Variants in CHN2 observed in about 807,000 individuals in gnomAD.
CHN2 encodes the protein chimerin 2.
In CHN2, 35 loss-of-function variants were observed where a neutral mutation model predicts 56.3. The observed-to-expected ratio is 0.62, with a 90% confidence interval of 0.47 to 0.82. The LOEUF (loss-of-function observed/expected upper bound fraction) is 0.82, where lower values mean the gene tolerates loss of function less well. Among genes scored for constraint, CHN2 ranks in the 40% least tolerant of loss-of-function variants. CHN2 has a pLI of 0.00. For missense variants in CHN2, 491 were observed against 580.5 expected (o/e 0.85, Z 1.58); for synonymous variants, 210 against 212.8 (o/e 0.99, Z 0.12).
chr7:29,175,393 CT>C (rs777133527), intron 2 of CHN2, among the ~76,000 whole-genome samples: 161 of 152,166 alleles, frequency 1.1e-3, no homozygotes, highest in Non-Finnish European at 1.9e-3. Flanking sequence ...CAAGGCTGGT[CT>C]CAAACTCCAG....
intron 6 of CHN2, among the ~76,000 whole-genome samples, chr7:29,476,074 G>A (rs1457565201): frequency 6.6e-6 from 1 of 152,160 alleles, no homozygotes; most frequent in East Asian, 1.9e-4. Flanking sequence ...GTTCTTCAGG[G>A]CTTTGAGGAA....
At chr7:29,293,650 G>A (rs1166997784) in intron 1 of CHN2, among the ~76,000 whole-genome samples, 1 of 152,070 alleles carries the variant, frequency 6.6e-6, no homozygotes, top group East Asian at 1.9e-4. Flanking sequence ...TGTGCCTCCT[G>A]CTTCGAATGT....
chr7:29,411,299 A>C (rs965827645), intron 6 of CHN2, among the ~76,000 whole-genome samples: 10 of 152,166 alleles, frequency 6.6e-5, no homozygotes, highest in African/African-American at 2.4e-4. Flanking sequence ...GAGGAAACAC[A>C]ATTTTAGCAG....
intron 2 of CHN2, chr7:29,186,508 G>A (rs938464001): frequency 6.6e-6 from 1 of 152,008 alleles, no homozygotes; most frequent in Non-Finnish European, 1.5e-5. Flanking sequence ...GGAGGTAGAG[G>A]CTGTAGCAGT....
chr7:29,303,109 G>C (rs960390776), intron 1 of CHN2, among the ~76,000 whole-genome samples: 1 of 152,166 alleles, frequency 6.6e-6, no homozygotes, highest in African/African-American at 2.4e-5. Context: ...GCCATTGTGC[G>C]TTGATGCTGG....
chr7:29,229,796 G>A (rs367823521), intron 1 of CHN2, among the ~76,000 whole-genome samples: 23 of 152,042 alleles, frequency 1.5e-4, no homozygotes, highest in African/African-American at 4.8e-4. Context: ...TGGGCAACAT[G>A]GGGAGACCCC....
chr7:29,306,265 G>C (rs561457412), intron 1 of CHN2, among the ~76,000 whole-genome samples: 22 of 152,278 alleles, frequency 1.4e-4, no homozygotes, highest in Admixed American at 1.2e-3. Context: ...TGCCTTATCA[G>C]TTTCCTGGGA....
chr7:29,178,110 G>A (rs1797596169), intron 2 of CHN2, among the ~76,000 whole-genome samples: 2 of 152,090 alleles, frequency 1.3e-5, no homozygotes, highest in South Asian at 4.1e-4. Context: ...ATGGTGTCTT[G>A]CCATCTCCAC....
chr7:29,507,893 G>A (rs1790778494), intron 11 of CHN2, among the ~76,000 whole-genome samples: 1 of 152,112 alleles, frequency 6.6e-6, no homozygotes. Flanking sequence ...GCTGTCCTGG[G>A]CATGTGCGGC....
chr7:29,262,073 C>A (rs1789598518), intron 1 of CHN2, among the ~76,000 whole-genome samples: 1 of 152,156 alleles, frequency 6.6e-6, no homozygotes, highest in Admixed American at 6.5e-5. Context: ...GAGGCTGAGG[C>A]AGGAGAATCG....
chr7:29,245,728 C>T (rs866897697), intron 1 of CHN2, among the ~76,000 whole-genome samples: 1 of 152,176 alleles, frequency 6.6e-6, no homozygotes. Flanking sequence ...GACATTGCCT[C>T]CCTGGTGGGG....
intron 1 of CHN2, among the ~76,000 whole-genome samples, chr7:29,256,909 T>C (rs1393060897): frequency 3.9e-5 from 6 of 152,178 alleles, no homozygotes; most frequent in South Asian, 2.1e-4. Context: ...CCTTTTGTCA[T>C]TGGGGGAAAC....
At chr7:29,456,066 C>T (rs1434465898) in intron 6 of CHN2, among the ~76,000 whole-genome samples, 2 of 152,150 alleles carry the variant, frequency 1.3e-5, no homozygotes, top group African/African-American at 4.8e-5. Flanking sequence ...TGTTTGGGGG[C>T]CAAGCCAGAC....
At chr7:29,202,118 G>A (rs922781110) in intron 1 of CHN2, among the ~76,000 whole-genome samples, 20 of 152,146 alleles carry the variant, frequency 1.3e-4, no homozygotes, top group Admixed American at 1.0e-3. Flanking sequence ...AGGAAAAAGT[G>A]CCCATGTTCA....
At chr7:29,452,687 G>A (rs766874028) in intron 6 of CHN2, among the ~76,000 whole-genome samples, 5 of 152,180 alleles carry the variant, frequency 3.3e-5, no homozygotes, top group Non-Finnish European at 7.4e-5. Context: ...TGCAAGACTC[G>A]CCATGGTTGG....
chr7:29,220,432 AAAG>A (rs1785704878), intron 1 of CHN2, among the ~76,000 whole-genome samples: 1 of 152,120 alleles, frequency 6.6e-6, no homozygotes. Context: ...ATCAAGGAAA[AAAG>A]AAGAGAAAAT....
At position 29,180,484 on chromosome 7, in the gene CHN2, G is replaced by A. The variant is rs529011732; in HGVS notation, c.274+33524G>A. 2.6e-4 allele frequency among the ~76,000 whole-genome samples: 40 copies of A among 151,794 alleles called. No homozygotes were observed. The East Asian group carries it at 6.6e-3, about 25-fold the overall frequency. On this transcript the variant is annotated intron_variant, in intron 2 of 6. Transcript: ENST00000439384. ...GGAGGTTGCAGTGAGCCGAGATCGCGCCACTGCACTGGGCGACAGAGCGAC... is the reference window on the plus strand; with the variant it reads ...GGAGGTTGCAGTGAGCCGAGATCGCACCACTGCACTGGGCGACAGAGCGAC...
At chr7:29,176,512 A>G (rs1461878125) in intron 2 of CHN2, among the ~76,000 whole-genome samples, 1 of 152,186 alleles carries the variant, frequency 6.6e-6, no homozygotes, top group African/African-American at 2.4e-5. Flanking sequence ...CTTGAATCCT[A>G]TACAAATCTA....
At chr7:29,319,182 T>C (rs1795166493) in intron 1 of CHN2, among the ~76,000 whole-genome samples, 1 of 152,234 alleles carries the variant, frequency 6.6e-6, no homozygotes, top group Non-Finnish European at 1.5e-5. Flanking sequence ...TAAACTCTTA[T>C]GTACTTCTTG....
Sources: gnomAD v4.1 joint callset for allele counts (sites outside exome capture counted in the v4.1 genomes callset) on GRCh38, gnomAD v4.1.1 for gene constraint, MANE v1.5 for transcripts, NCBI Gene and HGNC (gene_info 2026-07-23, HGNC 2026-07-21) for gene names.